The following PACRG variants were observed in gnomAD, a reference collection of about 807,000 sequenced individuals.
The protein encoded by PACRG is parkin coregulated gene protein.
Under a neutral mutation model 29.7 loss-of-function variants are expected in PACRG, and 29 were observed. The observed-to-expected ratio is 0.98, with a 90% CI of 0.73 to 1.33. The LOEUF (loss-of-function observed/expected upper bound fraction) is 1.33, where lower values mean the gene tolerates loss of function less well. PACRG is among the 40% of genes most tolerant of loss of function. PACRG has a pLI of 0.00. For missense variants in PACRG, 279 were observed against 316.2 expected, an observed-to-expected ratio of 0.88 and a Z score of 0.89; for synonymous variants, 116 against 118.7, an observed-to-expected ratio of 0.98 and a Z score of 0.15.
chr6:163,288,351 G>T (rs185262450), intron 4 of PACRG, among the ~76,000 whole-genome samples: 115 of 152,304 alleles, frequency 7.6e-4, no homozygotes, highest in African/African-American at 2.7e-3. Flanking sequence ...CGTCACAGTG[G>T]CAAGAGCCCG....
intron 4 of PACRG, among the ~76,000 whole-genome samples, chr6:163,131,664 T>C (rs534790929): frequency 6.6e-6 from 1 of 152,084 alleles, no homozygotes; most frequent in Non-Finnish European, 1.5e-5. Flanking sequence ...ATGGCAGCTG[T>C]TGAATGTTAA....
intron 1 of PACRG, among the ~76,000 whole-genome samples, chr6:162,757,599 T>G (rs1042145420): frequency 1.1e-4 from 16 of 151,992 alleles, no homozygotes; most frequent in Admixed American, 1.0e-3. Context: ...TCCCAGCTAC[T>G]TGGGAGGCTG....
chr6:162,886,193 G>T (rs993759413), intron 2 of PACRG, among the ~76,000 whole-genome samples: 17 of 152,130 alleles, frequency 1.1e-4, no homozygotes, highest in African/African-American at 4.1e-4. Context: ...AAAATGCTGT[G>T]ATTACAGGCA....
chr6:163,010,486 C>A lies in PACRG; in HGVS notation c.292-51664C>A, dbSNP rs116460194. On this transcript the variant is annotated intron_variant, in intron 2 of 4. Coordinates refer to ENST00000366888, the MANE Select transcript of PACRG (RefSeq NM_001080379.2). The stretch of plus-strand genomic sequence containing the variant: ...ATCCTACTCATCCATCAGTGCAGCC[C>A]CTGGCTCCTTTATAGACGGGCCCTG... Among the ~76,000 whole-genome samples the A allele has an allele frequency of 5.6e-3, 850 of 152,204 alleles. 11 individuals carry two copies. The highest frequency in any genetic ancestry group is 0.019 in the African/African-American group (795 of 41,528).
chr6:162,984,713 G>A (rs57217537), intron 2 of PACRG, among the ~76,000 whole-genome samples: 8,668 of 151,922 alleles, frequency 0.057, 619 homozygotes, highest in African/African-American at 0.17. Flanking sequence ...TTGCAGGAGT[G>A]AGGTGGTATT....
At chr6:162,958,850 CATATATATATATATATATAT>C (rs369783608) in intron 2 of PACRG, among the ~76,000 whole-genome samples, 35 of 48,614 alleles carry the variant, frequency 7.2e-4, no homozygotes, top group Non-Finnish European at 1.0e-3. Flanking sequence ...ATATATAGAG[CATATATATATATATATATAT>C]ATATATATAT....
At chr6:163,025,530 C>T (rs1017707568) in intron 2 of PACRG, among the ~76,000 whole-genome samples, 9 of 152,156 alleles carry the variant, frequency 5.9e-5, no homozygotes, top group African/African-American at 1.7e-4. Flanking sequence ...AGCTAACAAA[C>T]GAGGTGGGCC....
At chr6:163,041,826 T>G (rs752759344) in intron 2 of PACRG, among the ~76,000 whole-genome samples, 14 of 152,214 alleles carry the variant, frequency 9.2e-5, no homozygotes, top group African/African-American at 1.4e-4. Context: ...AATCAAGCAC[T>G]GCCCTGTCTT....
chr6:163,200,117 A>G (rs1780635962), intron 4 of PACRG, among the ~76,000 whole-genome samples: 1 of 152,230 alleles, frequency 6.6e-6, no homozygotes, highest in South Asian at 2.1e-4. Context: ...CAAAAAGTGA[A>G]GGAATTTGCT....
chr6:162,848,687 T>C (rs187044647), intron 2 of PACRG, among the ~76,000 whole-genome samples: 2 of 152,380 alleles, frequency 1.3e-5, no homozygotes, highest in East Asian at 3.9e-4. Flanking sequence ...TTAGGATTCA[T>C]GGATGGTAGT....
At chr6:162,781,719 A>C (rs1784106384) in intron 1 of PACRG, among the ~76,000 whole-genome samples, 1 of 151,794 alleles carries the variant, frequency 6.6e-6, no homozygotes, top group Non-Finnish European at 1.5e-5. Context: ...TAAGTTTAAA[A>C]TGTTTACTCT....
At chr6:162,741,714 C>G (rs1269918544) in intron 1 of PACRG, among the ~76,000 whole-genome samples, 1 of 152,280 alleles carries the variant, frequency 6.6e-6, no homozygotes, top group East Asian at 1.9e-4. Context: ...CTGTGTTTGG[C>G]TCATCTGTCA....
At chr6:163,264,043 C>G (rs760381925) in intron 4 of PACRG, among the ~76,000 whole-genome samples, 33 of 152,146 alleles carry the variant, frequency 2.2e-4, no homozygotes, top group Non-Finnish European at 4.4e-4. Flanking sequence ...CCATTTTATA[C>G]TTGAGGGAGT....
upstream of PACRG, chr6:162,727,963 G>T (rs937891325): frequency 3.2e-5 from 19 of 600,382 alleles, no homozygotes; most frequent in African/African-American, 3.0e-4. Context: ...CGCCCGCCGT[G>T]TTGACCAGTC....
intron 3 of PACRG, among the ~76,000 whole-genome samples, chr6:163,084,297 G>A (rs1030233455): frequency 2.0e-5 from 3 of 151,950 alleles, no homozygotes; most frequent in African/African-American, 7.3e-5. Flanking sequence ...CTTTATACCT[G>A]TTAGCATACT....
At chr6:163,297,866 C>T (rs996962504) in intron 4 of PACRG, among the ~76,000 whole-genome samples, 1 of 152,078 alleles carries the variant, frequency 6.6e-6, no homozygotes, top group Non-Finnish European at 1.5e-5. Context: ...TTTTAGAAAC[C>T]TAATTCACTG....
At chr6:162,822,863 GTATAT>G (rs1355411456) in intron 2 of PACRG, among the ~76,000 whole-genome samples, 8 of 151,808 alleles carry the variant, frequency 5.3e-5, no homozygotes, top group African/African-American at 1.9e-4. Flanking sequence ...GTTATGTTAG[GTATAT>G]TATAACACAT....
At chr6:162,863,155 C>T (rs2128443740) in intron 2 of PACRG, among the ~76,000 whole-genome samples, 1 of 152,340 alleles carries the variant, frequency 6.6e-6, no homozygotes, top group African/African-American at 2.4e-5. Flanking sequence ...TGGGCTTCAG[C>T]CGTCTGCGTG....
chr6:163,215,126 T>C (rs73597536), intron 4 of PACRG, among the ~76,000 whole-genome samples: 1 of 152,170 alleles, frequency 6.6e-6, no homozygotes, highest in Non-Finnish European at 1.5e-5. Flanking sequence ...CATTTTTTTT[T>C]TGTGCAATGT....
Sources: allele counts gnomAD v4.1 joint callset (sites outside exome capture counted in the v4.1 genomes callset), GRCh38; gene constraint gnomAD v4.1.1; transcripts MANE v1.5; gene names NCBI Gene and HGNC (gene_info 2026-07-23, HGNC 2026-07-21).